ZNF407: variants seen among roughly 807,000 people sequenced by gnomAD.
ZNF407 encodes zinc finger protein 407.
A neutral mutation model predicts 131.2 loss-of-function variants in ZNF407; 17 were observed. The observed-to-expected ratio is 0.13, with a 90% CI of 0.09 to 0.19. The LOEUF (loss-of-function observed/expected upper bound fraction) is 0.19. ZNF407 is among the 10% of genes least tolerant of loss of function. The probability of loss-of-function intolerance (pLI) is 1.00; values close to 1 mark genes in which losing one functional copy is unlikely to be tolerated. For missense variants in ZNF407, 2,681 were observed against 2,830.6 expected, an observed-to-expected ratio of 0.95 and a Z score of 1.20; for synonymous variants, 1,156 against 1,062.0, an observed-to-expected ratio of 1.09 and a Z score of -1.72.
chr18:74,702,731 A>G lies in ZNF407; in HGVS notation c.4802+61609A>G, dbSNP rs1031443624. 3.3e-5 allele frequency among the ~76,000 whole-genome samples: 5 copies of G among 152,306 alleles called. No homozygotes were observed. The East Asian group carries it at 9.6e-4, about 29-fold the overall frequency. ...TATAAATACATATTTCCCTATAAAC[A>G]TTGATATGCATACGTATATTCAGGC... On this transcript the variant is annotated intron_variant, in intron 3 of 8. Coordinates refer to ENST00000299687, the MANE Select transcript of ZNF407 (RefSeq NM_017757.3).
At chr18:74,696,067 T>C (rs2144810431) in intron 3 of ZNF407, among the ~76,000 whole-genome samples, 1 of 152,296 alleles carries the variant, frequency 6.6e-6, no homozygotes, top group East Asian at 1.9e-4. Context: ...GATTATGACT[T>C]ACACGACTTT....
At chr18:74,723,954 T>G (rs1214849009) in intron 3 of ZNF407, among the ~76,000 whole-genome samples, 7 of 140,810 alleles carry the variant, frequency 5.0e-5, no homozygotes, top group East Asian at 2.4e-4. Context: ...GTGGGGGGGG[T>G]TTGTTTGGCA....
At chr18:74,681,451 C>T (rs1223181771) in intron 3 of ZNF407, among the ~76,000 whole-genome samples, 1 of 152,082 alleles carries the variant, frequency 6.6e-6, no homozygotes, top group Non-Finnish European at 1.5e-5. Context: ...CTGTGTTGCC[C>T]AGGCTAGTCT....
chr18:74,793,239 A>T (rs116018546), intron 4 of ZNF407, among the ~76,000 whole-genome samples: 2,332 of 152,304 alleles, frequency 0.015, 68 homozygotes, highest in African/African-American at 0.052. Context: ...GTGTAGATAA[A>T]TAATAACAAA....
chr18:74,781,363 C>T (rs1969597998), intron 3 of ZNF407, 65 bp from the exon 4 acceptor site: 2 of 1,145,898 alleles, frequency 1.7e-6, no homozygotes, highest in South Asian at 1.4e-5. Context: ...CTTAAGTTCT[C>T]TTTGTACAGA....
intron 3 of ZNF407, among the ~76,000 whole-genome samples, chr18:74,779,239 C>A (rs996762682): frequency 6.7e-6 from 1 of 149,656 alleles, no homozygotes; most frequent in African/African-American, 2.4e-5. Context: ...CCTCAACCTC[C>A]CCAGCAGCTG....
intron 3 of ZNF407, among the ~76,000 whole-genome samples, chr18:74,779,133 T>TTTTTTTTTTTTTTA (rs1969544871): frequency 9.3e-6 from 1 of 107,882 alleles, no homozygotes; most frequent in Non-Finnish European, 1.9e-5. Context: ...TTTTTTTTTT[T>TTTTTTTTTTTTTTA]GAGACGGAGG....
At chr18:74,860,625 A>G (rs1391944839) in intron 4 of ZNF407, among the ~76,000 whole-genome samples, 1 of 151,992 alleles carries the variant, frequency 6.6e-6, no homozygotes, top group Admixed American at 6.6e-5. Flanking sequence ...CTGCCAAAGT[A>G]AGTTTTAAAC....
intron 8 of ZNF407, among the ~76,000 whole-genome samples, chr18:74,991,275 G>A (rs1249102032): frequency 6.6e-6 from 1 of 152,192 alleles, no homozygotes; most frequent in Non-Finnish European, 1.5e-5. Flanking sequence ...CTGTTTGTGT[G>A]CACACACTTC....
At chr18:74,854,250 T>G (rs1970828672) in intron 4 of ZNF407, among the ~76,000 whole-genome samples, 1 of 152,188 alleles carries the variant, frequency 6.6e-6, no homozygotes, top group Non-Finnish European at 1.5e-5. Context: ...AGTCCTAAAT[T>G]TTGTTTCCTT....
intron 8 of ZNF407, among the ~76,000 whole-genome samples, chr18:75,016,247 G>C (rs1041821630): frequency 6.6e-6 from 1 of 151,936 alleles, no homozygotes; most frequent in Non-Finnish European, 1.5e-5. Flanking sequence ...ACCGTTTCCT[G>C]GTTCACTGCT....
chr18:74,631,495 C>T lies in ZNF407; in HGVS notation c.476C>T (p.Ser159Phe). ...TEKTSAQEMV[S>F]LDLERESPFP... is the part of the protein sequence containing the mutation. ...AAAACATCTGCTCAGGAAATGGTTT[C>T]CCTTGATCTGGAAAGAGAATCTCCT... The change falls in exon 2 of 9, where the codon TCC becomes TTC. Residue 159 changes from serine to phenylalanine, a missense_variant. Ser to Phe is a radical substitution (Grantham distance 155). Around this residue, in one of 6 missense-constraint regions of ZNF407, gnomAD observed 1,789 missense variants for 1,748.7 expected, o/e 1.02. Coordinates refer to ENST00000299687, the MANE Select transcript of ZNF407 (RefSeq NM_017757.3). 6.2e-7 allele frequency: 1 copy of T among 1,613,902 alleles called. No individual in the cohort carries two copies. The highest frequency in any genetic ancestry group is 1.3e-5 in the African/African-American group (1 of 75,024).
intron 3 of ZNF407, among the ~76,000 whole-genome samples, chr18:74,679,549 G>A (rs150765245): frequency 1.9e-4 from 29 of 152,280 alleles, no homozygotes; most frequent in African/African-American, 6.7e-4. Context: ...GACCACTGAG[G>A]TTTCTTTTAA....
chr18:74,847,247 T>A (rs1056923186), intron 4 of ZNF407, among the ~76,000 whole-genome samples: 47 of 152,292 alleles, frequency 3.1e-4, no homozygotes, highest in African/African-American at 1.1e-3. Flanking sequence ...AACACAGCTT[T>A]GAAGGGTGTT....
chr18:74,763,559 G>A (rs1969150054), intron 3 of ZNF407, among the ~76,000 whole-genome samples: 1 of 151,508 alleles, frequency 6.6e-6, no homozygotes, highest in African/African-American at 2.4e-5. Flanking sequence ...AATGGTTTTA[G>A]GTATTATATT....
chr18:74,602,304 A>C (rs1277738348), intron 1 of ZNF407, among the ~76,000 whole-genome samples: 5 of 152,240 alleles, frequency 3.3e-5, no homozygotes, highest in African/African-American at 7.2e-5. Flanking sequence ...GAGAAGGTAG[A>C]GAGAGATGAT....
intron 4 of ZNF407, among the ~76,000 whole-genome samples, chr18:74,807,680 C>T (rs1970132445): frequency 6.6e-6 from 1 of 152,100 alleles, no homozygotes; most frequent in Non-Finnish European, 1.5e-5. Context: ...GATTTGATTC[C>T]CACCGTCCAT....
At chr18:74,606,952 T>G (rs1169241491) in intron 1 of ZNF407, among the ~76,000 whole-genome samples, 1 of 152,196 alleles carries the variant, frequency 6.6e-6, no homozygotes, top group East Asian at 1.9e-4. Flanking sequence ...CTTTCAGGCC[T>G]TAGAGGAATG....
At chr18:74,980,223 C>A (rs963875538) in intron 8 of ZNF407, among the ~76,000 whole-genome samples, 4 of 150,212 alleles carry the variant, frequency 2.7e-5, no homozygotes, top group African/African-American at 9.8e-5. Flanking sequence ...AAACGGAAGA[C>A]GAGTTGACAT....
Sources: gnomAD v4.1 joint callset for allele counts (sites outside exome capture counted in the v4.1 genomes callset) on GRCh38, gnomAD v4.1.1 for gene constraint, gnomAD v4.1.1 regional missense constraint, MANE v1.5 for transcripts, NCBI Gene and HGNC (gene_info 2026-07-23, HGNC 2026-07-21) for gene names.